LIMK2: variants seen among roughly 807,000 people sequenced by gnomAD.
LIMK2 encodes the protein LIM domain kinase 2.
In LIMK2, 35 loss-of-function variants were observed where a neutral mutation model predicts 75.7. The ratio of observed to expected loss-of-function variants is 0.46; its 90% CI spans 0.35 to 0.61. LIMK2 has a LOEUF of 0.61. Ranked by LOEUF, LIMK2 falls within the 20% of genes least tolerant of loss-of-function variation. The pLI, the probability that LIMK2 is intolerant of heterozygous loss-of-function variation, is 0.00. For missense variants in LIMK2, 623 were observed against 831.0 expected, an observed-to-expected ratio of 0.75 and a Z score of 3.08; for synonymous variants, 301 against 319.2, an observed-to-expected ratio of 0.94 and a Z score of 0.61.
chr22:31,273,019 G>GC, intron 13 of LIMK2: 1 of 1,155,424 alleles, frequency 8.7e-7, no homozygotes, highest in Non-Finnish European at 1.1e-6. Flanking sequence ...GAAGTGTGGT[G>GC]CCCTCTGGTG....
chr22:31,237,164 G>C (rs1316421346), intron 2 of LIMK2, among the ~76,000 whole-genome samples: 2 of 151,578 alleles, frequency 1.3e-5, no homozygotes, highest in Admixed American at 6.6e-5. Context: ...AGGAGGCTGA[G>C]GCAGGAGAAT....
intron 9 of LIMK2, among the ~76,000 whole-genome samples, chr22:31,267,372 A>C (rs181757723): frequency 2.6e-5 from 4 of 152,306 alleles, no homozygotes; most frequent in Admixed American, 6.5e-5. Flanking sequence ...AGTACAACTC[A>C]ATGTTATAAT....
chr22:31,263,021 C>T (rs967542942), intron 7 of LIMK2, among the ~76,000 whole-genome samples: 6 of 152,166 alleles, frequency 3.9e-5, no homozygotes, highest in Non-Finnish European at 7.4e-5. Context: ...AGTCTCTGTC[C>T]ACTGAACTCC....
In LIMK2 at chr22:31,278,384, G is replaced by A; in HGVS notation, c.1860G>A (p.Glu620=). 1.2e-6 allele frequency: 2 copies of A among 1,614,020 alleles called. No individual in the cohort carries two copies. The highest frequency in any genetic ancestry group is 1.3e-5 in the African/African-American group (1 of 75,056). The change falls in exon 16 of 16, where the codon GAG becomes GAA. Residue 620 remains glutamate, a synonymous_variant. Coordinates refer to ENST00000331728, the MANE Select transcript of LIMK2 (RefSeq NM_005569.4). ...GCATCCCGCTGCCTGCAGAGCTGGAGGAGTTGGACCACACTGTGAGCATGC... is the reference window on the plus strand; with the variant it reads ...GCATCCCGCTGCCTGCAGAGCTGGAAGAGTTGGACCACACTGTGAGCATGC... ...ELGIPLPAEL[E]ELDHTVSMQY...
chr22:31,261,274 G>A (rs572860916), intron 5 of LIMK2, among the ~76,000 whole-genome samples: 2 of 151,872 alleles, frequency 1.3e-5, no homozygotes, highest in Non-Finnish European at 2.9e-5. Flanking sequence ...TAGGCCAGGC[G>A]CAGTGGCTCA....
chr22:31,240,516 C>T (rs962437809), intron 2 of LIMK2, among the ~76,000 whole-genome samples: 13 of 151,832 alleles, frequency 8.6e-5, no homozygotes, highest in Admixed American at 8.5e-4. Context: ...CTCCACCTTC[C>T]GGGTTCAAGT....
chr22:31,276,864 C>T (rs1348853609), intron 15 of LIMK2: 3 of 1,612,342 alleles, frequency 1.9e-6, no homozygotes, highest in Admixed American at 1.7e-5. Flanking sequence ...AAGGGAAGGT[C>T]ACCATCAAGT....
intron 1 of LIMK2, chr22:31,222,613 GATCCACCCA>G (rs1416986706): frequency 6.6e-6 from 1 of 152,054 alleles, no homozygotes; most frequent in Non-Finnish European, 1.5e-5. Context: ...GACCTCAAGT[GATCCACCCA>G]CCTTGGCCTC....
chr22:31,247,794 A>G (rs1226508493), intron 2 of LIMK2, among the ~76,000 whole-genome samples: 1 of 152,208 alleles, frequency 6.6e-6, no homozygotes, highest in Non-Finnish European at 1.5e-5. Context: ...ATGGAGACAC[A>G]TCAGGTGTAG....
At chr22:31,234,877 C>T (rs1342219793) in intron 2 of LIMK2, among the ~76,000 whole-genome samples, 1 of 152,110 alleles carries the variant, frequency 6.6e-6, no homozygotes, top group East Asian at 1.9e-4. Flanking sequence ...TTTGTTCATT[C>T]TGCTCCCTCT....
chr22:31,265,808 G>T, intron 7 of LIMK2, 138 bp from the exon 8 acceptor site: 2 of 655,380 alleles, frequency 3.1e-6, no homozygotes, highest in East Asian at 2.6e-5. Context: ...TCTGATGTAA[G>T]AGCCCCTGTT....
chr22:31,264,975 C>G (rs183990431), intron 7 of LIMK2, among the ~76,000 whole-genome samples: 4 of 151,792 alleles, frequency 2.6e-5, no homozygotes, highest in African/African-American at 9.7e-5. Flanking sequence ...AGATGGATCG[C>G]GAGATCAGGA....
At chr22:31,258,729 T>A (rs2048809573) in intron 3 of LIMK2, 2 of 404,432 alleles carry the variant, frequency 4.9e-6, no homozygotes, top group Non-Finnish European at 9.1e-6. Context: ...AGGATATACT[T>A]AGGTTGTCTT....
intron 1 of LIMK2, among the ~76,000 whole-genome samples, chr22:31,216,374 A>G (rs1362872364): frequency 7.2e-5 from 11 of 152,222 alleles, no homozygotes; most frequent in Non-Finnish European, 1.5e-5. Flanking sequence ...GAAGATTCAT[A>G]GGAAGTGGAA....
At chr22:31,230,266 C>T (rs987235764) in intron 2 of LIMK2, 1 of 152,070 alleles carries the variant, frequency 6.6e-6, no homozygotes, top group African/African-American at 2.4e-5. Flanking sequence ...TTCTGATGTT[C>T]TCTGGACCTG....
intron 2 of LIMK2, among the ~76,000 whole-genome samples, chr22:31,241,916 T>A (rs1601415299): frequency 2.0e-5 from 3 of 152,264 alleles, no homozygotes; most frequent in African/African-American, 7.2e-5. Context: ...AAATAATTTA[T>A]CCAAGTTTAT....
Position 31,215,235 on chromosome 22 carries a change from A to G in LIMK2, c.16+2811A>G, listed in dbSNP as rs116028443. ...TCCTCTCTGTAGCACAAAAAGCAGA[A>G]TGAAGTTGACTATGGAGTCTGAGAA... On this transcript the variant is annotated intron_variant, in intron 1 of 15. Coordinates refer to ENST00000331728, the MANE Select transcript of LIMK2 (RefSeq NM_005569.4). Among the ~76,000 whole-genome samples, 1,315 of 152,368 alleles carry G rather than the reference A, an allele frequency of 8.6e-3. 24 individuals carry two copies. The highest frequency in any genetic ancestry group is 0.03 in the African/African-American group (1,259 of 41,584).
intron 2 of LIMK2, chr22:31,248,252 G>A (rs1388820761): frequency 4.5e-6 from 4 of 888,862 alleles, no homozygotes; most frequent in Non-Finnish European, 6.0e-6. Context: ...TTGCCTGCAA[G>A]GTCTGTTTCC....
intron 2 of LIMK2, chr22:31,230,048 CTTTCTTTCT>C (rs1488445220): frequency 7.7e-6 from 1 of 130,154 alleles, no homozygotes; most frequent in East Asian, 2.6e-4. Context: ...TTCTTTCTTT[CTTTCTTTCT>C]TTTTTTTTTT....
Sources: allele counts gnomAD v4.1 joint callset (sites outside exome capture counted in the v4.1 genomes callset), GRCh38; gene constraint gnomAD v4.1.1; transcripts MANE v1.5; gene names NCBI Gene and HGNC (gene_info 2026-07-23, HGNC 2026-07-21).